Variants in ABR observed in about 807,000 individuals in gnomAD.
ABR encodes the protein ABR activator of RhoGEF and GTPase, also known as active breakpoint cluster region-related protein.
Under a neutral mutation model 107.2 loss-of-function variants are expected in ABR, and 35 were observed. That is an observed-to-expected ratio of 0.33 (90% CI 0.25 to 0.43). ABR has a LOEUF of 0.43. Among genes scored for constraint, ABR ranks in the 20% least tolerant of loss-of-function variants. ABR has a pLI of 1.00. For missense variants in ABR, 815 were observed against 1,115.2 expected (o/e 0.73, Z 3.83); for synonymous variants, 498 against 462.0 (o/e 1.08, Z -1.00).
At chr17:1,195,347 T>C (rs1437759162) in intron 1 of ABR, among the ~76,000 whole-genome samples, 1 of 149,494 alleles carries the variant, frequency 6.7e-6, no homozygotes, top group Non-Finnish European at 1.5e-5. Context: ...CCTCCCACCT[T>C]GGCCTCTCCA....
chr17:1,223,682 G>A lies in ABR; in HGVS notation c.838+5111C>T, dbSNP rs141873732. On this transcript the variant is annotated intron_variant, in intron 1 of 22. Transcript: ENST00000574139. The stretch of plus-strand genomic sequence containing the variant: ...AGGAAAGAGGTTTAATTGACTCACA[G>A]TTCCCCAAGGCTGGGGAGGCCTCAG... Among the ~76,000 whole-genome samples the A allele has an allele frequency of 2.3e-3, 354 of 152,290 alleles. 1 individual carries two copies. Among genetic ancestry groups the A allele is most frequent in the African/African-American group, 7.8e-3 (324 of 41,556 alleles).
chr17:1,108,817 C>A (rs1186981334), intron 2 of ABR: 10 of 1,333,368 alleles, frequency 7.5e-6, no homozygotes, highest in Non-Finnish European at 8.8e-6. Flanking sequence ...CCGGGACCCT[C>A]CGCCGAGGGC....
chr17:1,078,737 G>T lies in ABR; in HGVS notation c.700+593C>A. 6.9e-7 allele frequency: 1 copy of T among 1,454,278 alleles called. No individual in the cohort carries two copies. Among genetic ancestry groups the T allele is most frequent in the Non-Finnish European group, 9.3e-7 (1 of 1,077,400 alleles). The allele number at this position is 1,454,278 out of a possible 1,614,324, so 90.1% of individuals were successfully genotyped here. A position where few individuals can be genotyped will look rare whatever the true frequency, so the allele number is the denominator to read the frequency against. ...TCCCTGCGGCCCTCTAACCTCCCCG[G>T]CCACATCTAAGCCCACTCCAGCCGG... On this transcript the variant is annotated intron_variant, in intron 6 of 22. Coordinates refer to ENST00000302538, the MANE Select transcript of ABR (RefSeq NM_021962.5). The surrounding 1 kb of genome is among the most constrained non-coding windows in gnomAD (Gnocchi z 7.5).
Position 1,125,387 on chromosome 17 carries a change from AG to A in ABR, c.62-21del. ...TGAAGTCTGAGACAAGGAACAAGAA[AG>A]GCCACTGAGAATCCTCCACCAGAGC... On this transcript the variant is annotated intron_variant, in intron 1 of 22. Coordinates refer to ENST00000302538, the MANE Select transcript of ABR (RefSeq NM_021962.5). 6.2e-7 allele frequency: 1 copy of A among 1,610,750 alleles called. No homozygotes were observed.
intron 16 of ABR, among the ~76,000 whole-genome samples, chr17:1,042,068 GAGA>G (rs756557084): frequency 6.6e-6 from 1 of 152,218 alleles, no homozygotes; most frequent in Admixed American, 6.5e-5. Flanking sequence ...TGGGTCTGGA[GAGA>G]AGGAGGCTGT....
At chr17:1,072,857 C>T (rs2035353513) in intron 7 of ABR, 103 bp from the exon 8 acceptor site, 6 of 1,425,460 alleles carry the variant, frequency 4.2e-6, no homozygotes, top group Non-Finnish European at 4.6e-6. Context: ...CACTCAGGGA[C>T]CTGCCTAATT....
rs201311682 is a variant in ABR at position 1,108,892 on chromosome 17, G to C, written c.247-8157C>G. 17 of 1,541,914 alleles carry C rather than the reference G, an allele frequency of 1.1e-5. No individual in the cohort carries two copies. In the South Asian group the frequency reaches 2.0e-4, roughly 18 times the overall value. On this transcript the variant is annotated intron_variant, in intron 2 of 22. Coordinates refer to ENST00000302538, the MANE Select transcript of ABR (RefSeq NM_021962.5). The stretch of plus-strand genomic sequence containing the variant: ...TCTCCCGCGCACCTTCGGCAGCGCC[G>C]GCCCGGCCCCCCCCAGCGCCCAGGG...
chr17:1,086,361 A>G (rs966875737), intron 4 of ABR, among the ~76,000 whole-genome samples: 4 of 152,192 alleles, frequency 2.6e-5, no homozygotes, highest in East Asian at 1.9e-4. Context: ...AGCCATGAAC[A>G]TGGATGCACC....
intron 2 of ABR, among the ~76,000 whole-genome samples, chr17:1,103,882 T>C (rs1445675677): frequency 6.6e-6 from 1 of 152,186 alleles, no homozygotes; most frequent in African/African-American, 2.4e-5. Flanking sequence ...CTCCCATCTT[T>C]TCCAGCTTTC....
chr17:1,227,596 G>C (rs1358768271), intron 1 of ABR, among the ~76,000 whole-genome samples: 1 of 152,186 alleles, frequency 6.6e-6, no homozygotes, highest in Non-Finnish European at 1.5e-5. Context: ...AACTCATCCA[G>C]ATAAAATCTA....
intron 14 of ABR, among the ~76,000 whole-genome samples, chr17:1,054,948 G>A (rs2033090360): frequency 6.6e-6 from 1 of 152,116 alleles, no homozygotes; most frequent in African/African-American, 2.4e-5. Flanking sequence ...GAGAGTCAGG[G>A]TTTCTGATCC....
chr17:1,075,887 C>G (rs2151204995), intron 6 of ABR, among the ~76,000 whole-genome samples: 1 of 152,222 alleles, frequency 6.6e-6, no homozygotes, highest in Non-Finnish European at 1.5e-5. Flanking sequence ...ACTAAAAATA[C>G]AAAAATTAGC....
At chr17:1,073,163 G>T (rs1393412653) in intron 7 of ABR, among the ~76,000 whole-genome samples, 1 of 138,024 alleles carries the variant, frequency 7.2e-6, no homozygotes, top group East Asian at 2.1e-4. Flanking sequence ...CTGGGTGACA[G>T]AGTGAGACTC....
At chr17:1,017,635 T>C (rs1014436135) in intron 16 of ABR, among the ~76,000 whole-genome samples, 1 of 151,318 alleles carries the variant, frequency 6.6e-6, no homozygotes, top group African/African-American at 2.4e-5. Context: ...ACCCGGCTAA[T>C]TTTTGTATTT....
chr17:1,011,719 CG>C lies in ABR; in HGVS notation c.2101+126del. ...GGATTACAAGAGAAAGCACTTGCCA[CG>C]GGGACTCTGAAGCAGAGCAAGCCTC... On this transcript the variant is annotated intron_variant, in intron 19 of 22. Coordinates refer to ENST00000302538, the MANE Select transcript of ABR (RefSeq NM_021962.5). This position sits in a 1 kb window ranked among gnomAD's most constrained non-coding sequence, Gnocchi z 4.8. 8.1e-7 allele frequency: 1 copy of C among 1,228,714 alleles called. No individual in the cohort carries two copies. The highest frequency in any genetic ancestry group is 1.1e-6 in the Non-Finnish European group (1 of 917,114). The allele number at this position is 1,228,714 out of a possible 1,614,324, so 76.1% of individuals were successfully genotyped here.
In ABR at chr17:1,070,136, G is replaced by T; in HGVS notation, c.895-46C>A. ...CCCAGCCTGCTCAGAGGGGAATGCG[G>T]CCGAGGGCAGAGCCTGCACACGGGG... On this transcript the variant is annotated intron_variant, in intron 8 of 22. Coordinates refer to ENST00000302538, the MANE Select transcript of ABR (RefSeq NM_021962.5). The surrounding 1 kb of genome is among the most constrained non-coding windows in gnomAD (Gnocchi z 4.2). 1 of 1,609,436 alleles carries T rather than the reference G, an allele frequency of 6.2e-7. No homozygotes were observed. The highest frequency in any genetic ancestry group is 8.5e-7 in the Non-Finnish European group (1 of 1,178,010).
chr17:1,191,354 C>CTTTT (rs761910557), upstream of ABR, among the ~76,000 whole-genome samples: 651 of 96,416 alleles, frequency 6.8e-3, 3 homozygotes, highest in Non-Finnish European at 9.5e-3. Context: ...TTTTTCTTTT[C>CTTTT]TTTTTTTTTT....
chr17:1,168,296 G>A (rs1451833179), intron 1 of ABR, among the ~76,000 whole-genome samples: 1 of 152,052 alleles, frequency 6.6e-6, no homozygotes, highest in Non-Finnish European at 1.5e-5. Flanking sequence ...GCGAGACTCT[G>A]TCTCAAAAAA....
chr17:1,021,606 C>G (rs2071649595), intron 16 of ABR, among the ~76,000 whole-genome samples: 1 of 149,782 alleles, frequency 6.7e-6, no homozygotes, highest in Admixed American at 6.7e-5. Context: ...GAGATCGAGA[C>G]CAACCTGACC....
Sources: gnomAD v4.1 joint callset for allele counts (sites outside exome capture counted in the v4.1 genomes callset) on GRCh38, gnomAD v4.1.1 for gene constraint, Gnocchi (gnomAD v3.1) non-coding constraint, MANE v1.5 for transcripts, NCBI Gene and HGNC (gene_info 2026-07-23, HGNC 2026-07-21) for gene names.